Variants in CGNL1 observed in about 807,000 individuals in gnomAD.
CGNL1 encodes cingulin like 1, also known as cingulin-like protein 1.
A neutral mutation model predicts 141.2 loss-of-function variants in CGNL1; 132 were observed. The ratio of observed to expected loss-of-function variants is 0.93; its 90% CI spans 0.81 to 1.08. The LOEUF (loss-of-function observed/expected upper bound fraction) is 1.08. Ranked by LOEUF, CGNL1 falls within the 50% of genes least tolerant of loss-of-function variation. The pLI is 0.00. For missense variants in CGNL1, 1,870 were observed against 1,588.6 expected (o/e 1.18, Z -3.01); for synonymous variants, 690 against 622.1 (o/e 1.11, Z -1.63).
At chr15:57,383,155 G>C (rs560266112) in intron 1 of CGNL1, among the ~76,000 whole-genome samples, 4 of 152,266 alleles carry the variant, frequency 2.6e-5, no homozygotes, top group Non-Finnish European at 4.4e-5. Context: ...TGTTCACTTA[G>C]AGTGGTGATT....
intron 1 of CGNL1, among the ~76,000 whole-genome samples, chr15:57,388,286 T>C (rs542543232): frequency 6.7e-6 from 1 of 148,186 alleles, no homozygotes; most frequent in East Asian, 1.9e-4. Context: ...AACTCCGGAG[T>C]TGTCATTAGA....
chr15:57,394,713 G>C (rs2062583655), intron 1 of CGNL1, among the ~76,000 whole-genome samples: 1 of 152,208 alleles, frequency 6.6e-6, no homozygotes, highest in African/African-American at 2.4e-5. Context: ...AGTGTCAATA[G>C]TCAGGTGCAT....
Position 57,501,854 on chromosome 15 carries a change from T to C in CGNL1, c.2404-14926T>C, listed in dbSNP as rs144471161. 1.5e-3 allele frequency among the ~76,000 whole-genome samples: 229 copies of C among 152,266 alleles called. 1 individual carries two copies. The highest frequency in any genetic ancestry group is 5.3e-3 in the African/African-American group (221 of 41,546). On this transcript the variant is annotated intron_variant, in intron 8 of 18. Transcript: ENST00000281282. ...GTGCCCTGACTGCCACCGTGGATCC[T>C]GCAGCGGCACTCACAGGGGGGAAGT... is the stretch of plus-strand genomic sequence containing the variant.
chr15:57,475,646 A>G (rs1320405902), intron 8 of CGNL1, among the ~76,000 whole-genome samples: 4 of 147,940 alleles, frequency 2.7e-5, no homozygotes, highest in South Asian at 2.4e-4. Flanking sequence ...CTCTGATCCC[A>G]AAGAATCTTC....
intron 8 of CGNL1, among the ~76,000 whole-genome samples, chr15:57,483,397 T>C (rs2063750207): frequency 6.6e-6 from 1 of 152,166 alleles, no homozygotes; most frequent in Non-Finnish European, 1.5e-5. Context: ...TGTATGTTTT[T>C]ATTTATGTTT....
intron 1 of CGNL1, among the ~76,000 whole-genome samples, chr15:57,420,414 G>A (rs2062900931): frequency 6.6e-6 from 1 of 152,138 alleles, no homozygotes; most frequent in African/African-American, 2.4e-5. Context: ...TCATACTGAT[G>A]TCTCCACTTT....
At chr15:57,437,161 G>T (rs1422865794) in intron 1 of CGNL1, among the ~76,000 whole-genome samples, 4 of 152,132 alleles carry the variant, frequency 2.6e-5, no homozygotes, top group African/African-American at 9.7e-5. Flanking sequence ...ATCTGGCAAG[G>T]TTGGCCACAC....
At chr15:57,436,628 CAAGT>C (rs1351749166) in intron 1 of CGNL1, among the ~76,000 whole-genome samples, 3 of 151,786 alleles carry the variant, frequency 2.0e-5, no homozygotes, top group Non-Finnish European at 2.9e-5. Context: ...TGAAAATAAA[CAAGT>C]AAAGCGTCCA....
At chr15:57,407,887 T>A (rs1158746412) in intron 1 of CGNL1, among the ~76,000 whole-genome samples, 1 of 151,784 alleles carries the variant, frequency 6.6e-6, no homozygotes, top group African/African-American at 2.4e-5. Flanking sequence ...TAGCTGGGAT[T>A]ACAGATGCCC....
chr15:57,514,889 T>C (rs1410886335), intron 8 of CGNL1, among the ~76,000 whole-genome samples: 3 of 152,228 alleles, frequency 2.0e-5, no homozygotes, highest in Non-Finnish European at 4.4e-5. Context: ...CTTGGCACCC[T>C]TGTTGAAAAG....
At chr15:57,472,587 A>G (rs945590095) in intron 8 of CGNL1, among the ~76,000 whole-genome samples, 96 of 152,060 alleles carry the variant, frequency 6.3e-4, no homozygotes, top group Non-Finnish European at 3.8e-4. Flanking sequence ...GAGGCACGGG[A>G]TCTTTGAGGT....
At chr15:57,457,425 C>T (rs1280417) in intron 7 of CGNL1, among the ~76,000 whole-genome samples, 152,080 of 152,326 alleles carry the variant, frequency 1, 75,918 homozygotes, top group Non-Finnish European at 1. Context: ...GCTCTGGTTG[C>T]TTTTCTTTGC....
intron 1 of CGNL1, among the ~76,000 whole-genome samples, chr15:57,383,802 T>C (rs2062453456): frequency 2.1e-5 from 3 of 141,842 alleles, no homozygotes; most frequent in Admixed American, 2.0e-4. Context: ...CTAATTTTTA[T>C]GTGTGTGTGT....
chr15:57,490,842 G>C (rs1037093843), intron 8 of CGNL1, among the ~76,000 whole-genome samples: 21 of 152,164 alleles, frequency 1.4e-4, no homozygotes, highest in Non-Finnish European at 1.5e-5. Flanking sequence ...CACATTGATA[G>C]TATCTACCCT....
At chr15:57,535,379 A>T (rs1393706844) in intron 14 of CGNL1, among the ~76,000 whole-genome samples, 1 of 152,242 alleles carries the variant, frequency 6.6e-6, no homozygotes, top group African/African-American at 2.4e-5. Flanking sequence ...CTAAATGCCA[A>T]GTAAAAGATT....
intron 7 of CGNL1, among the ~76,000 whole-genome samples, chr15:57,459,547 G>C (rs1313388259): frequency 1.3e-5 from 2 of 152,146 alleles, no homozygotes; most frequent in African/African-American, 4.8e-5. Flanking sequence ...CCTGAGAAGG[G>C]AGAAGGGCAC....
intron 14 of CGNL1, among the ~76,000 whole-genome samples, chr15:57,534,614 T>C (rs1209728508): frequency 6.6e-6 from 1 of 152,242 alleles, no homozygotes; most frequent in Non-Finnish European, 1.5e-5. Flanking sequence ...TCTAGGGCCG[T>C]GTGCCTGTGC....
At chr15:57,415,498 GAGAC>G (rs1218991060) in intron 1 of CGNL1, among the ~76,000 whole-genome samples, 1 of 152,212 alleles carries the variant, frequency 6.6e-6, no homozygotes, top group Non-Finnish European at 1.5e-5. Flanking sequence ...AAGAGGCAAG[GAGAC>G]AGAGTCTCCC....
At chr15:57,486,909 G>T (rs2063792378) in intron 8 of CGNL1, among the ~76,000 whole-genome samples, 1 of 152,182 alleles carries the variant, frequency 6.6e-6, no homozygotes, top group African/African-American at 2.4e-5. Context: ...TTTCCATTGG[G>T]AGTGGTGTTT....
Sources: allele counts gnomAD v4.1 joint callset (sites outside exome capture counted in the v4.1 genomes callset), GRCh38; gene constraint gnomAD v4.1.1; transcripts MANE v1.5; gene names NCBI Gene and HGNC (gene_info 2026-07-23, HGNC 2026-07-21).